The following PGBD1 variants were observed in gnomAD, a reference collection of about 807,000 sequenced individuals.
PGBD1 encodes the protein piggyBac transposable element-derived protein 1.
Under a neutral mutation model 34.7 loss-of-function variants are expected in PGBD1, and 25 were observed. The observed-to-expected ratio is 0.72, with a 90% CI of 0.52 to 1.00. The LOEUF is 1.00. Among genes scored for constraint, PGBD1 ranks in the 50% least tolerant of loss-of-function variants. PGBD1 has a pLI of 0.00. For missense variants in PGBD1, 830 were observed against 959.4 expected, an observed-to-expected ratio of 0.87 and a Z score of 1.78; for synonymous variants, 292 against 335.7, an observed-to-expected ratio of 0.87 and a Z score of 1.42.
Position 28,287,599 on chromosome 6 carries a change from A to G in PGBD1, c.642+431A>G, listed in dbSNP as rs558273962. ...GCTTGGTGATAATAATGGAAATTCT[A>G]TATATCTAAGGTAATACTTAACATC... On this transcript the variant is annotated intron_variant, in intron 4 of 6. Coordinates refer to ENST00000682144, the MANE Select transcript of PGBD1 (RefSeq NM_032507.4). 1.8e-4 allele frequency among the ~76,000 whole-genome samples: 28 copies of G among 152,240 alleles called. No homozygotes were observed. In the South Asian group the frequency reaches 5.4e-3, roughly 29 times the overall value.
chr6:28,287,311 G>C (rs1286684122), intron 4 of PGBD1, 143 bp downstream of exon 4: 1 of 710,376 alleles, frequency 1.4e-6, no homozygotes, highest in Admixed American at 2.2e-5. Flanking sequence ...CCTTGTCACA[G>C]AATATCACAA....
chr6:28,297,210 T>C (rs1048951258), intron 5 of PGBD1, among the ~76,000 whole-genome samples: 1 of 152,182 alleles, frequency 6.6e-6, no homozygotes, highest in African/African-American at 2.4e-5. Context: ...GTGACTCCTT[T>C]GTATCCTTTT....
chr6:28,297,040 C>T (rs1034983288), intron 5 of PGBD1, 95 bp downstream of exon 5: 28 of 1,402,844 alleles, frequency 2.0e-5, no homozygotes, highest in Non-Finnish European at 2.3e-5. Flanking sequence ...TTCCTACAGA[C>T]CCACACCCTT....
intron 1 of PGBD1, among the ~76,000 whole-genome samples, 195 bp from the exon 2 acceptor site, chr6:28,283,581 C>T (rs969015796): frequency 2.0e-5 from 3 of 152,206 alleles, no homozygotes; most frequent in African/African-American, 4.8e-5. Flanking sequence ...TACCTTTGGA[C>T]TCAGGCCCTT....
At chr6:28,299,240 C>A (rs942290559) in intron 6 of PGBD1, among the ~76,000 whole-genome samples, 13 of 152,048 alleles carry the variant, frequency 8.5e-5, no homozygotes, top group Non-Finnish European at 1.9e-4. Context: ...ATTCATATAA[C>A]AAAAAGTGTG....
Position 28,302,207 on chromosome 6 carries a change from G to T in PGBD1, c.2353G>T (p.Ala785Ser). 6.2e-7 allele frequency: 1 copy of T among 1,614,140 alleles called. No individual in the cohort carries two copies. Among genetic ancestry groups the T allele is most frequent in the South Asian group, 1.1e-5 (1 of 91,082 alleles). ...WQLHRACNPGASLDPLDFRRF... is the reference protein window; with the variant it reads ...WQLHRACNPGSSLDPLDFRRF... ...ACTACACAGAGCCTGTAACCCAGGT[G>T]CTTCTCTAGACCCCTTGGATTTTCG... The change falls in exon 7 of 7, where the codon GCT becomes TCT. Residue 785 changes from alanine (A) to serine (S), a missense_variant. Ala to Ser is a moderately conservative substitution (Grantham distance 99). Transcript: ENST00000682144.
chr6:28,286,700 C>A (rs1465373470), intron 3 of PGBD1, among the ~76,000 whole-genome samples: 1 of 152,142 alleles, frequency 6.6e-6, no homozygotes, highest in Non-Finnish European at 1.5e-5. Context: ...CCCTCAGTCT[C>A]ATCTCTCTAC....
chr6:28,297,845 T>TTTTTTAAAAATAAAAAA, intron 5 of PGBD1, 50 bp from the exon 6 acceptor site: 1 of 283,634 alleles, frequency 3.5e-6, no homozygotes, highest in East Asian at 6.9e-5. Context: ...TTTTTTTTTT[T>TTTTTTAAAAATAAAAAA]CAAAATTCAC....
rs1248292932 is a variant in PGBD1, at chr6:28,285,502, A to C, written c.397-49A>C. ...TGTAGAACAGTGCCAGGCTCTTAGC[A>C]TGCAGTCCATATATGCATGCCCTTT... is the stretch of plus-strand genomic sequence containing the variant. On this transcript the variant is annotated intron_variant, in intron 2 of 6. Transcript: ENST00000682144. The C allele has an allele frequency of 1.9e-6, 3 of 1,567,068 alleles. No homozygotes were observed. In the African/African-American group the frequency reaches 4.1e-5, roughly 21 times the overall value.
intron 6 of PGBD1, among the ~76,000 whole-genome samples, chr6:28,299,480 C>CA (rs1762755189): frequency 1.3e-5 from 2 of 152,116 alleles, no homozygotes; most frequent in Admixed American, 1.3e-4. Flanking sequence ...CAAGGAATGT[C>CA]ACTGAAGTTA....
chr6:28,302,425 T>G lies in PGBD1; in HGVS notation c.*141T>G. ...TACTTTTAAAAATCAGACATTTATA[T>G]AGAGTTTCAAAGACTATTGTAACAA... On this transcript the variant is annotated 3_prime_UTR_variant, in exon 7 of 7. Transcript: ENST00000682144. 1 of 906,348 alleles carries G rather than the reference T, an allele frequency of 1.1e-6. No homozygotes were observed. Among genetic ancestry groups the G allele is most frequent in the East Asian group, 2.7e-5 (1 of 36,932 alleles). 56.1% of individuals were successfully genotyped at this position (906,348 alleles called of 1,614,324 possible).
chr6:28,284,142 A>T lies in PGBD1; in HGVS notation c.329A>T (p.Glu110Val), dbSNP rs1300224671. Reference protein sequence around the residue: ...LQPCVKTYPLESGEEAVTVLE... With the variant: ...LQPCVKTYPLVSGEEAVTVLE... ...CCCTGTGTGAAGACATATCCTCTGG[A>T]GAGTGGAGAGGAGGCAGTGACAGTG... Residue 110 changes from glutamate to valine, a missense_variant, in exon 2 of 7, where the codon GAG (glutamate) becomes GTG (valine). This residue lies in a region of PGBD1 where 457 missense variants were observed against 515.4 expected (regional missense o/e 0.89). Coordinates refer to ENST00000682144, the MANE Select transcript of PGBD1 (RefSeq NM_032507.4). 3.7e-6 allele frequency: 6 copies of T among 1,609,296 alleles called. No individual in the cohort carries two copies. The Admixed American group carries it at 1.0e-4, about 27-fold the overall frequency.
intron 4 of PGBD1, among the ~76,000 whole-genome samples, chr6:28,287,394 T>C (rs1762320590): frequency 6.6e-6 from 1 of 152,174 alleles, no homozygotes; most frequent in Non-Finnish European, 1.5e-5. Context: ...AGGAGGCACG[T>C]CCAAATCTCA....
At chr6:28,299,438 T>G (rs945452944) in intron 6 of PGBD1, among the ~76,000 whole-genome samples, 2 of 152,060 alleles carry the variant, frequency 1.3e-5, no homozygotes, top group African/African-American at 4.8e-5. Context: ...TCTTAGAGTT[T>G]AGATGTCAAC....
intron 3 of PGBD1, among the ~76,000 whole-genome samples, chr6:28,286,842 C>G (rs1487283587): frequency 6.6e-6 from 1 of 151,990 alleles, no homozygotes; most frequent in Non-Finnish European, 1.5e-5. Context: ...TGTAAAGCAC[C>G]TTATGAGTTC....
chr6:28,288,694 T>TA (rs1054089346), intron 4 of PGBD1, among the ~76,000 whole-genome samples: 45 of 151,110 alleles, frequency 3.0e-4, no homozygotes, highest in African/African-American at 1.0e-3. Flanking sequence ...TGTATCTATT[T>TA]AAAAAAAAAG....
rs2113737970 is a variant in PGBD1, at chr6:28,281,687, C to T, written c.-270C>T. 2.9e-6 allele frequency: 1 copy of T among 340,372 alleles called. No homozygotes were observed. The highest frequency in any genetic ancestry group is 2.1e-5 in the African/African-American group (1 of 47,438). 21.1% of individuals were successfully genotyped at this position (340,372 alleles called of 1,614,324 possible). A position where few individuals can be genotyped will look rare whatever the true frequency, so the allele number is the denominator to read the frequency against. ...GGGGAGCACCGGGCCTCTGAGCTCCCTCGGGAGCCTTTCACGAGGTCAGCT... is the reference window on the plus strand; with the variant it reads ...GGGGAGCACCGGGCCTCTGAGCTCCTTCGGGAGCCTTTCACGAGGTCAGCT... On this transcript the variant is annotated 5_prime_UTR_variant, in exon 1 of 7. Coordinates refer to ENST00000682144, the MANE Select transcript of PGBD1 (RefSeq NM_032507.4).
At position 28,301,316 on chromosome 6, in the gene PGBD1, C is replaced by G. The variant is rs1418219304; in HGVS notation, c.1462C>G (p.Leu488Val). 1.9e-6 allele frequency: 3 copies of G among 1,614,026 alleles called. No individual in the cohort carries two copies. The highest frequency in any genetic ancestry group is 2.5e-6 in the Non-Finnish European group (3 of 1,180,022). Residue 488 changes from leucine (L) to valine (V), a missense_variant, in exon 7 of 7, where the codon CTG (leucine) becomes GTG (valine). Physicochemically the swap from Leu to Val is conservative, Grantham distance 32 (BLOSUM62 1). Around this residue, in one of 3 missense-constraint regions of PGBD1, gnomAD observed 372 missense variants for 427.9 expected, o/e 0.87. Coordinates refer to ENST00000682144, the MANE Select transcript of PGBD1 (RefSeq NM_032507.4). ...GGAAGTCTCTGACACCGATCAGAAC[C>G]TGGTTAGAGATGCAATCAGAAGGGA... ...YWEVSDTDQN[L>V]VRDAIRRDRF...
rs889605254 is a variant in PGBD1, at chr6:28,300,438, C to T, written c.870-286C>T. ...TGGGGCACCAAGGAGCATGGGATGTCTGCATCCTGCTCCTAAAGAGGACAG... is the reference window on the plus strand; with the variant it reads ...TGGGGCACCAAGGAGCATGGGATGTTTGCATCCTGCTCCTAAAGAGGACAG... On this transcript the variant is annotated intron_variant, in intron 6 of 6. Coordinates refer to ENST00000682144, the MANE Select transcript of PGBD1 (RefSeq NM_032507.4). The surrounding 1 kb of genome is among the most constrained non-coding windows in gnomAD (Gnocchi z 4.0). Among the ~76,000 whole-genome samples the T allele has an allele frequency of 1.1e-4, 16 of 152,138 alleles. No homozygotes were observed. The highest frequency in any genetic ancestry group is 3.6e-4 in the African/African-American group (15 of 41,424).
Sources: gnomAD v4.1 joint callset for allele counts (sites outside exome capture counted in the v4.1 genomes callset) on GRCh38, gnomAD v4.1.1 for gene constraint, gnomAD v4.1.1 regional missense constraint, Gnocchi (gnomAD v3.1) non-coding constraint, MANE v1.5 for transcripts, NCBI Gene and HGNC (gene_info 2026-07-23, HGNC 2026-07-21) for gene names.